Variants in CTNNA2 observed in about 807,000 individuals in gnomAD.
The protein encoded by CTNNA2 is catenin alpha-2.
Under a neutral mutation model 101.0 loss-of-function variants are expected in CTNNA2, and 42 were observed. That is an observed-to-expected ratio of 0.42 (90% confidence interval 0.32 to 0.54). The LOEUF is 0.54. Among genes scored for constraint, CTNNA2 ranks in the 20% least tolerant of loss-of-function variants. The pLI, the probability that CTNNA2 is intolerant of heterozygous loss-of-function variation, is 0.14. For synonymous variants in CTNNA2, 450 were observed against 456.4 expected (o/e 0.99, Z 0.18); for missense variants, 871 against 1,223.1 (o/e 0.71, Z 4.29).
At chr2:80,128,445 C>G (rs1342708718) in intron 7 of CTNNA2, among the ~76,000 whole-genome samples, 1 of 152,112 alleles carries the variant, frequency 6.6e-6, no homozygotes, top group Non-Finnish European at 1.5e-5. Flanking sequence ...CTCTGGGCCA[C>G]AGCTTTCCAA....
intron 8 of CTNNA2, among the ~76,000 whole-genome samples, chr2:80,403,283 T>G (rs1678734500): frequency 6.6e-6 from 1 of 152,222 alleles, no homozygotes; most frequent in African/African-American, 2.4e-5. Flanking sequence ...TGAAAATCTT[T>G]ATTGCACCTG....
At chr2:79,413,861 C>T (rs927179682) in intron 4 of CTNNA2, among the ~76,000 whole-genome samples, 2 of 149,604 alleles carry the variant, frequency 1.3e-5, no homozygotes, top group Admixed American at 6.7e-5. Context: ...ATTTGTATGT[C>T]TTTTTTGAGA....
intron 7 of CTNNA2, among the ~76,000 whole-genome samples, chr2:80,103,782 T>A (rs959423582): frequency 6.6e-6 from 1 of 152,228 alleles, no homozygotes; most frequent in African/African-American, 2.4e-5. Flanking sequence ...TTACCCAGGC[T>A]GGAGTGCAGT....
intron 7 of CTNNA2, among the ~76,000 whole-genome samples, chr2:80,009,756 G>GTGTGTGTGTGTGTGTGTC (rs367758452): frequency 1.3e-5 from 2 of 148,216 alleles, no homozygotes; most frequent in East Asian, 2.1e-4. Flanking sequence ...GTGTGTCAGA[G>GTGTGTGTGTGTGTGTGTC]AGAGAGACAG....
intron 7 of CTNNA2, among the ~76,000 whole-genome samples, chr2:79,961,762 C>A (rs1052768811): frequency 7.6e-6 from 1 of 132,178 alleles, no homozygotes; most frequent in African/African-American, 2.8e-5. Flanking sequence ...GCAGAGCCTG[C>A]GGTGAGCCGA....
chr2:80,614,126 AT>A (rs914009711), intron 17 of CTNNA2, among the ~76,000 whole-genome samples: 1 of 151,530 alleles, frequency 6.6e-6, no homozygotes, highest in African/African-American at 2.4e-5. Context: ...TCTGAGAATG[AT>A]TTAGTAGCCA....
intron 9 of CTNNA2, among the ~76,000 whole-genome samples, chr2:80,455,016 G>A (rs1316313593): frequency 2.0e-5 from 3 of 152,234 alleles, no homozygotes; most frequent in East Asian, 1.9e-4. Flanking sequence ...GATGATATGC[G>A]GAGGCTGCAT....
At chr2:79,293,065 T>A (rs900717227) in intron 2 of CTNNA2, 2 of 152,258 alleles carry the variant, frequency 1.3e-5, no homozygotes, top group African/African-American at 4.8e-5. Context: ...CTTTGATTCA[T>A]CCCCAAAAGC....
Position 80,303,549 on chromosome 2 carries a change from G to C in CTNNA2, c.1057-89662G>C, listed in dbSNP as rs1284830036. 1 of 1,614,242 alleles carries C rather than the reference G, an allele frequency of 6.2e-7. No individual in the cohort carries two copies. The highest frequency in any genetic ancestry group is 2.2e-5 in the East Asian group (1 of 44,878). ...TTGTGATCCAGATAGAGCCACGTGA[G>C]CTGCATTAACCCCGTGAACTGGCCG... On this transcript the variant is annotated intron_variant, in intron 7 of 18. Coordinates refer to ENST00000402739, the MANE Select transcript of CTNNA2 (RefSeq NM_001282597.3). This position sits in a 1 kb window ranked among gnomAD's most constrained non-coding sequence, Gnocchi z 7.7.
Position 80,324,577 on chromosome 2 carries a change from G to C in CTNNA2, c.1057-68634G>C, listed in dbSNP as rs79768678. 1.3e-3 allele frequency among the ~76,000 whole-genome samples: 196 copies of C among 152,328 alleles called. 1 individual carries two copies. Among genetic ancestry groups the C allele is most frequent in the Non-Finnish European group, 2.1e-3 (141 of 68,030 alleles). On this transcript the variant is annotated intron_variant, in intron 7 of 18. Coordinates refer to ENST00000402739, the MANE Select transcript of CTNNA2 (RefSeq NM_001282597.3). ...GAATTGTGAGAAATGTTTAAAAGGT[G>C]AGATGTTAATTCTTGGATGTGGGGG...
intron 7 of CTNNA2, among the ~76,000 whole-genome samples, chr2:80,043,131 T>TTTC: frequency 2.6e-5 from 1 of 37,868 alleles, no homozygotes; most frequent in Non-Finnish European, 5.1e-5. Context: ...CCTTCCTTCC[T>TTTC]TCCTTCCTTC....
At chr2:80,163,086 A>T in intron 7 of CTNNA2, 3 of 1,579,550 alleles carry the variant, frequency 1.9e-6, no homozygotes, top group Non-Finnish European at 2.6e-6. Flanking sequence ...GAAATTCACA[A>T]ACGCAAACTG....
Position 80,087,563 on chromosome 2 carries a change from A to G in CTNNA2, c.1056+177766A>G, listed in dbSNP as rs184689382. Among the ~76,000 whole-genome samples, 14 of 152,158 alleles carry G rather than the reference A, an allele frequency of 9.2e-5. No individual in the cohort carries two copies. The East Asian group carries it at 2.5e-3, about 27-fold the overall frequency. On this transcript the variant is annotated intron_variant, in intron 7 of 18. Coordinates refer to ENST00000402739, the MANE Select transcript of CTNNA2 (RefSeq NM_001282597.3). ...TCAAAGTAGCCTTCTGGGTATAGGG[A>G]AGTTCTCTAGCCTGTGTGGGCTGCT...
intron 4 of CTNNA2, among the ~76,000 whole-genome samples, chr2:79,453,763 A>G (rs780118518): frequency 2.6e-5 from 4 of 152,178 alleles, no homozygotes; most frequent in Non-Finnish European, 4.4e-5. Context: ...CAAGAATGCT[A>G]TAACTGAAAT....
intron 7 of CTNNA2, among the ~76,000 whole-genome samples, chr2:79,930,511 T>C (rs919693929): frequency 4.6e-5 from 7 of 152,094 alleles, no homozygotes; most frequent in African/African-American, 1.4e-4. Context: ...AATGAAACTT[T>C]TGCGAAATAA....
chr2:80,047,965 T>C (rs557748795), intron 7 of CTNNA2, among the ~76,000 whole-genome samples: 2 of 152,304 alleles, frequency 1.3e-5, no homozygotes, highest in South Asian at 2.1e-4. Flanking sequence ...TCACTGAAAA[T>C]TCATGTTTGT....
intron 7 of CTNNA2, among the ~76,000 whole-genome samples, chr2:80,340,222 T>C (rs1672109510): frequency 6.6e-6 from 1 of 152,224 alleles, no homozygotes; most frequent in Non-Finnish European, 1.5e-5. Flanking sequence ...GTTATGTCAG[T>C]ACAGCCAGTA....
At chr2:79,440,385 T>C (rs188986625) in intron 4 of CTNNA2, among the ~76,000 whole-genome samples, 1 of 152,314 alleles carries the variant, frequency 6.6e-6, no homozygotes, top group Non-Finnish European at 1.5e-5. Context: ...GTATTCTCTC[T>C]TGGCCATTGC....
chr2:79,960,423 T>G (rs1574413528), intron 7 of CTNNA2, among the ~76,000 whole-genome samples: 1 of 152,232 alleles, frequency 6.6e-6, no homozygotes, highest in African/African-American at 2.4e-5. Context: ...CTGATTATCA[T>G]GTGCTAACTA....
Sources: allele counts gnomAD v4.1 joint callset (sites outside exome capture counted in the v4.1 genomes callset), GRCh38; gene constraint gnomAD v4.1.1; non-coding constraint Gnocchi (gnomAD v3.1); transcripts MANE v1.5; gene names NCBI Gene and HGNC (gene_info 2026-07-23, HGNC 2026-07-21).